The following DNAAF9 variants were observed in gnomAD, a reference collection of about 807,000 sequenced individuals.
DNAAF9 encodes the protein shulin.
DNAAF9 carries 90 observed loss-of-function variants against 167.0 expected under a neutral mutation model. That is an observed-to-expected ratio of 0.54 (90% CI 0.45 to 0.64). The LOEUF is 0.64. Ranked by LOEUF, DNAAF9 falls within the 30% of genes least tolerant of loss-of-function variation. DNAAF9 has a pLI of 0.00. For synonymous variants in DNAAF9, 491 were observed against 508.8 expected, an observed-to-expected ratio of 0.96 and a Z score of 0.47; for missense variants, 1,315 against 1,442.2, an observed-to-expected ratio of 0.91 and a Z score of 1.43.
rs1450341307 is a variant in DNAAF9 at position 3,255,218 on chromosome 20, C to T, written c.3327+1G>A. 5 of 1,545,972 alleles carry T rather than the reference C, an allele frequency of 3.2e-6. No individual in the cohort carries two copies. The highest frequency in any genetic ancestry group is 2.0e-5 in the Admixed American group (1 of 50,972). ...GGGAGAAGCCAGGGCAAGGCACTCACGTGGATGCTCCTGATCTCCTGTTGC... is the reference window on the plus strand; with the variant it reads ...GGGAGAAGCCAGGGCAAGGCACTCATGTGGATGCTCCTGATCTCCTGTTGC... On this transcript the variant is annotated splice_donor_variant, in intron 35 of 36. Coordinates refer to ENST00000252032, the MANE Select transcript of DNAAF9 (RefSeq NM_001009984.3). LOFTEE classifies it high-confidence loss of function.
intron 1 of DNAAF9, among the ~76,000 whole-genome samples, chr20:3,402,206 T>C (rs1221818684): frequency 6.6e-6 from 1 of 152,174 alleles, no homozygotes; most frequent in Non-Finnish European, 1.5e-5. Context: ...CTTACAGATA[T>C]TGTCTTCATG....
chr20:3,318,345 C>A lies in DNAAF9; in HGVS notation c.1412G>T (p.Gly471Val). 1 of 1,607,450 alleles carries A rather than the reference C, an allele frequency of 6.2e-7. No homozygotes were observed. Among genetic ancestry groups the A allele is most frequent in the Non-Finnish European group, 8.5e-7 (1 of 1,174,412 alleles). Residue 471 changes from glycine to valine, a missense_variant, in exon 17 of 37, where the codon GGA (glycine) becomes GTA (valine). Physicochemically the swap from Gly to Val is moderately radical, Grantham distance 109. Transcript: ENST00000252032. ...AAATGATTCAGAGAAAACCACAGAT[C>A]CTAAACAACCATTGCCTCCCAGTAA... is the stretch of plus-strand genomic sequence containing the variant. ...PDLLGGNGCL[G>V]SVVFSESFLT...
At chr20:3,305,675 G>A (rs942146705) in intron 20 of DNAAF9, among the ~76,000 whole-genome samples, 1 of 152,200 alleles carries the variant, frequency 6.6e-6, no homozygotes, top group African/African-American at 2.4e-5. Flanking sequence ...AGAAGGAAGG[G>A]AGGGGCCTAG....
Position 3,294,543 on chromosome 20 carries a change from A to G in DNAAF9, c.2105T>C (p.Leu702Pro), listed in dbSNP as rs1416766086. Residue 702 changes from leucine (L) to proline (P), a missense_variant, in exon 24 of 37, where the codon CTC becomes CCC. Leu to Pro is a moderately conservative substitution (Grantham distance 98). Coordinates refer to ENST00000252032, the MANE Select transcript of DNAAF9 (RefSeq NM_001009984.3). ...RSSLKLLSAK[L>P]PELDWFLQHF... is the part of the protein sequence containing the mutation. ...CAGAGCTTACCAGTCCAGCTCTGGG[A>G]GTTTGGCTGAGAGTAACTTTAGGGA... The G allele has an allele frequency of 5.0e-6, 8 of 1,609,814 alleles. No individual in the cohort carries two copies. The highest frequency in any genetic ancestry group is 5.1e-6 in the Non-Finnish European group (6 of 1,176,098).
chr20:3,253,841 T>C (rs777843209), intron 35 of DNAAF9, 22 bp from the exon 36 acceptor site: 80 of 1,310,262 alleles, frequency 6.1e-5, no homozygotes, highest in Non-Finnish European at 7.6e-5. Context: ...AAGAGACCTG[T>C]AATAATTATC....
rs140465733 is a variant in DNAAF9 at position 3,398,241 on chromosome 20, C to T, written c.83+9234G>A. ...GCGCAACCAGGTAGTGAGAAGCAGA[C>T]GAGAGACAGCATAGACAGAGTTAAC... On this transcript the variant is annotated intron_variant, in intron 1 of 36. Coordinates refer to ENST00000252032, the MANE Select transcript of DNAAF9 (RefSeq NM_001009984.3). 2.9e-3 allele frequency among the ~76,000 whole-genome samples: 449 copies of T among 152,282 alleles called. 1 individual carries two copies. The highest frequency in any genetic ancestry group is 5.5e-3 in the Non-Finnish European group (371 of 68,024).
intron 20 of DNAAF9, among the ~76,000 whole-genome samples, chr20:3,309,989 T>C (rs553186818): frequency 8.8e-4 from 134 of 152,112 alleles, no homozygotes; most frequent in African/African-American, 3.1e-3. Context: ...AGTCGGGAGA[T>C]TGAGACCAGC....
intron 1 of DNAAF9, among the ~76,000 whole-genome samples, chr20:3,386,327 C>T (rs567073768): frequency 1.3e-5 from 2 of 152,142 alleles, no homozygotes; most frequent in Non-Finnish European, 2.9e-5. Flanking sequence ...AGCAGACCCA[C>T]ACAAGTACAA....
chr20:3,364,590 T>C (rs1018920334), intron 6 of DNAAF9, among the ~76,000 whole-genome samples: 1 of 152,210 alleles, frequency 6.6e-6, no homozygotes. Context: ...AAGTGAATAA[T>C]GCAATAAAGC....
chr20:3,338,648 A>AT (rs140772082), intron 10 of DNAAF9, among the ~76,000 whole-genome samples: 60,816 of 121,726 alleles, frequency 0.5, 15,221 homozygotes, highest in Middle Eastern at 0.66. Context: ...TTCTTGGATG[A>AT]TTTTTTTTTT....
intron 20 of DNAAF9, among the ~76,000 whole-genome samples, chr20:3,314,047 C>T (rs1464925257): frequency 6.6e-6 from 1 of 152,170 alleles, no homozygotes; most frequent in Non-Finnish European, 1.5e-5. Flanking sequence ...AAGTCTATGC[C>T]AGTCCCACCT....
At chr20:3,358,202 G>A (rs752188807) in intron 7 of DNAAF9, among the ~76,000 whole-genome samples, 81 of 151,880 alleles carry the variant, frequency 5.3e-4, no homozygotes, top group Middle Eastern at 3.4e-3. Flanking sequence ...GGGGATTTAG[G>A]GCTTGAGGGG....
chr20:3,396,425 G>T (rs954219512), intron 1 of DNAAF9, among the ~76,000 whole-genome samples: 12 of 152,000 alleles, frequency 7.9e-5, no homozygotes, highest in Non-Finnish European at 1.3e-4. Flanking sequence ...AGAGCACTGG[G>T]GATTTAGCAA....
chr20:3,264,988 C>A (rs928353292), intron 30 of DNAAF9, among the ~76,000 whole-genome samples: 1 of 152,106 alleles, frequency 6.6e-6, no homozygotes, highest in African/African-American at 2.4e-5. Flanking sequence ...ATATTTTACC[C>A]CTAAATACTT....
chr20:3,315,855 G>C lies in DNAAF9; in HGVS notation c.1540-70C>G. On this transcript the variant is annotated intron_variant, in intron 18 of 36. Transcript: ENST00000252032. This position sits in a 1 kb window ranked among gnomAD's most constrained non-coding sequence, Gnocchi z 4.1. ...GAAAACCCTGCTAGGTCTCCCCACT[G>C]TGTTCAAATATTTCCAGGACACTGG... is the stretch of plus-strand genomic sequence containing the variant. 1 of 1,137,328 alleles carries C rather than the reference G, an allele frequency of 8.8e-7. No individual in the cohort carries two copies. The highest frequency in any genetic ancestry group is 1.3e-6 in the Non-Finnish European group (1 of 744,714). 70.5% of individuals were successfully genotyped at this position (1,137,328 alleles called of 1,614,324 possible). A position where few individuals can be genotyped will look rare whatever the true frequency, so the allele number is the denominator to read the frequency against.
chr20:3,360,334 C>G (rs538794565), intron 6 of DNAAF9, among the ~76,000 whole-genome samples: 41 of 152,230 alleles, frequency 2.7e-4, no homozygotes, highest in African/African-American at 9.4e-4. Flanking sequence ...CTGTTTCTTT[C>G]TCAAACTCTC....
intron 30 of DNAAF9, among the ~76,000 whole-genome samples, chr20:3,269,513 C>T (rs553612005): frequency 2.6e-4 from 40 of 152,288 alleles, no homozygotes; most frequent in African/African-American, 8.7e-4. Context: ...TCTCTACGTT[C>T]TCTATGCCAT....
chr20:3,291,954 G>C (rs1275739702), intron 25 of DNAAF9, among the ~76,000 whole-genome samples: 3 of 151,280 alleles, frequency 2.0e-5, no homozygotes, highest in African/African-American at 7.3e-5. Context: ...CGCAGCACAT[G>C]TACATACAGC....
intron 6 of DNAAF9, among the ~76,000 whole-genome samples, chr20:3,373,543 A>C (rs1028080321): frequency 2.6e-5 from 4 of 152,236 alleles, no homozygotes; most frequent in African/African-American, 9.6e-5. Flanking sequence ...TAATCTTTCC[A>C]TTCCTCTAGT....
Sources: gnomAD v4.1 joint callset for allele counts (sites outside exome capture counted in the v4.1 genomes callset) on GRCh38, gnomAD v4.1.1 for gene constraint, Gnocchi (gnomAD v3.1) non-coding constraint, MANE v1.5 for transcripts, NCBI Gene and HGNC (gene_info 2026-07-23, HGNC 2026-07-21) for gene names.